Variants in SYT12 observed in about 807,000 individuals in gnomAD.
SYT12 encodes synaptotagmin 12.
In SYT12, 27 loss-of-function variants were observed where a neutral mutation model predicts 39.5. The observed-to-expected ratio is 0.68, with a 90% CI of 0.50 to 0.94. SYT12 has a LOEUF of 0.94. Among genes scored for constraint, SYT12 ranks in the 40% least tolerant of loss-of-function variants. The pLI is 0.00. For missense variants in SYT12, 536 were observed against 572.6 expected (o/e 0.94, Z 0.65); for synonymous variants, 233 against 239.7 (o/e 0.97, Z 0.26).
chr11:67,029,980 C>G, intron 1 of SYT12, 142 bp from the exon 2 acceptor site: 1 of 636,258 alleles, frequency 1.6e-6, no homozygotes, highest in Non-Finnish European at 2.7e-6. Flanking sequence ...TCTTAAAATG[C>G]CAAGCCTCCC....
At chr11:67,025,495 G>A (rs569221362) in intron 1 of SYT12, among the ~76,000 whole-genome samples, 133 of 152,282 alleles carry the variant, frequency 8.7e-4, no homozygotes, top group Non-Finnish European at 1.4e-3. Context: ...GCTCTTTGCT[G>A]TGTGTCTGGA....
chr11:67,039,718 G>T, intron 3 of SYT12, 93 bp from the exon 4 acceptor site: 1 of 1,438,194 alleles, frequency 7.0e-7, no homozygotes, highest in African/African-American at 1.4e-5. Flanking sequence ...GGAGATTCGA[G>T]AATGAACAGG....
chr11:67,024,988 G>C (rs1222550892), intron 1 of SYT12, among the ~76,000 whole-genome samples: 1 of 152,196 alleles, frequency 6.6e-6, no homozygotes, highest in African/African-American at 2.4e-5. Flanking sequence ...CCTCTGCCAT[G>C]GTCTGATTCC....
At chr11:67,034,964 G>A in intron 3 of SYT12, 126 bp downstream of exon 3, 1 of 648,818 alleles carries the variant, frequency 1.5e-6, no homozygotes, top group Non-Finnish European at 2.4e-6. Flanking sequence ...TCCTTTGAAA[G>A]GGGAGTAGAC....
chr11:67,023,246 G>C lies in SYT12; in HGVS notation c.-238G>C, dbSNP rs1484295134. On this transcript the variant is annotated 5_prime_UTR_variant, in exon 1 of 8. Transcript: ENST00000527043. ...GCGAGGGAGCGCGCGGCGGGCTCCT[G>C]GGAGCGTGCCCGGACTGCGGCGCAG... 1 of 150,820 alleles carries C rather than the reference G, an allele frequency of 6.6e-6. No homozygotes were observed. Among genetic ancestry groups the C allele is most frequent in the Non-Finnish European group, 1.5e-5 (1 of 67,644 alleles). The allele number at this position is 150,820 out of a possible 1,614,324, so 9.3% of individuals were successfully genotyped here. A position where few individuals can be genotyped will look rare whatever the true frequency, so the allele number is the denominator to read the frequency against.
intron 1 of SYT12, among the ~76,000 whole-genome samples, chr11:67,024,091 G>A (rs1156987111): frequency 6.6e-6 from 1 of 152,096 alleles, no homozygotes; most frequent in Non-Finnish European, 1.5e-5. Flanking sequence ...GTTGGGGGAG[G>A]GAGGTGGGGG....
At chr11:67,019,196 G>C (rs1403974678), upstream of SYT12, among the ~76,000 whole-genome samples, 1 of 152,106 alleles carries the variant, frequency 6.6e-6, no homozygotes, top group African/African-American at 2.4e-5. Context: ...CAGATCGCTG[G>C]GCGTGGTGAC....
Position 67,040,101 on chromosome 11 carries a change from G to C in SYT12, c.519G>C (p.Val173=), listed in dbSNP as rs774567750. Residue 173 remains valine, a synonymous_variant, in exon 4 of 8, where the codon GTG becomes GTC. Transcript: ENST00000527043. ...CCTCCCACACGCTGAACGTGGCGGT[G>C]ATGCAGGGCAAGGACCTCCTGGAGC... ...DTASHTLNVA[V]MQGKDLLERE... is the part of the protein sequence containing the mutation. 1.9e-5 allele frequency: 30 copies of C among 1,613,620 alleles called. No individual in the cohort carries two copies. The highest frequency in any genetic ancestry group is 3.3e-5 in the South Asian group (3 of 91,080).
At chr11:67,017,784 A>G (rs1378875869) in intron 3 of SYT12, among the ~76,000 whole-genome samples, 2 of 150,056 alleles carry the variant, frequency 1.3e-5, no homozygotes, top group Non-Finnish European at 3.0e-5. Flanking sequence ...ACATGGTGAA[A>G]CCCCGTCTCT....
At chr11:67,035,527 G>A (rs1260156397) in intron 3 of SYT12, among the ~76,000 whole-genome samples, 11 of 138,640 alleles carry the variant, frequency 7.9e-5, no homozygotes, top group African/African-American at 1.7e-4. Context: ...GGGCAATCTC[G>A]GCTCACTGCA....
chr11:67,042,164 T>C (rs981286270), intron 4 of SYT12, among the ~76,000 whole-genome samples: 1 of 152,080 alleles, frequency 6.6e-6, no homozygotes, highest in South Asian at 2.1e-4. Flanking sequence ...CTTGGTTAAG[T>C]CAGTTTAGTA....
intron 3 of SYT12, among the ~76,000 whole-genome samples, chr11:67,012,136 C>T (rs1404667809): frequency 1.3e-5 from 2 of 150,824 alleles, no homozygotes; most frequent in Admixed American, 6.6e-5. Context: ...TTTGGGAGGC[C>T]GAGGCGGGCG....
chr11:67,040,098 G>A lies in SYT12; in HGVS notation c.516G>A (p.Ala172=), dbSNP rs764374414. 5.0e-6 allele frequency: 8 copies of A among 1,613,612 alleles called. No homozygotes were observed. The highest frequency in any genetic ancestry group is 1.7e-5 in the Admixed American group (1 of 59,986). The change falls in exon 4 of 8, where the codon GCG becomes GCA. Residue 172 remains alanine, a synonymous_variant. Transcript: ENST00000527043. ...YDTASHTLNV[A]VMQGKDLLER... is the part of the protein sequence containing the mutation. ...CTGCCTCCCACACGCTGAACGTGGC[G>A]GTGATGCAGGGCAAGGACCTCCTGG...
Position 67,035,518 on chromosome 11 carries a change from G to A in SYT12, c.228+680G>A, listed in dbSNP as rs1346650115. ...TGTTGCCCAGGCTGGAGTGCAGTGG[G>A]GCAATCTCGGCTCACTGCAAGCTCC... On this transcript the variant is annotated intron_variant, in intron 3 of 7. Transcript: ENST00000527043. Among the ~76,000 whole-genome samples the A allele has an allele frequency of 4.1e-5, 6 of 144,652 alleles. No individual in the cohort carries two copies. The South Asian group carries it at 1.3e-3, about 32-fold the overall frequency. 94.9% of individuals were successfully genotyped at this position (144,652 alleles called of 152,430 possible).
chr11:67,023,937 G>A (rs1950146758), intron 1 of SYT12, among the ~76,000 whole-genome samples: 1 of 152,228 alleles, frequency 6.6e-6, no homozygotes, highest in Non-Finnish European at 1.5e-5. Context: ...GGCCCTGGCC[G>A]TGTGAAGAGC....
chr11:67,023,783 A>G (rs1391340612), intron 1 of SYT12, among the ~76,000 whole-genome samples: 1 of 151,948 alleles, frequency 6.6e-6, no homozygotes, highest in Non-Finnish European at 1.5e-5. Context: ...CAGCGCCCTG[A>G]CTGTCCTCAC....
At position 67,030,112 on chromosome 11, in the gene SYT12, T is replaced by C. The variant is rs549753151; in HGVS notation, c.-23-10T>C. 20 of 1,613,392 alleles carry C rather than the reference T, an allele frequency of 1.2e-5. 1 individual carries two copies. In the South Asian group the frequency reaches 1.6e-4, roughly 13 times the overall value. ...GCAGCCCTCTCCTCTCACTCTCTTT[T>C]CCCTTCCAGTCACAGTCACTGCAGC... On this transcript the variant is annotated splice_polypyrimidine_tract_variant and intron_variant, in intron 1 of 7. Transcript: ENST00000527043.
At chr11:67,036,205 C>T (rs1054359185) in intron 3 of SYT12, among the ~76,000 whole-genome samples, 2 of 152,134 alleles carry the variant, frequency 1.3e-5, no homozygotes, top group Non-Finnish European at 2.9e-5. Context: ...GCATGCACTA[C>T]CGTGCCAGGT....
At position 67,034,775 on chromosome 11, in the gene SYT12, C is replaced by T. The variant is rs768738859; in HGVS notation, c.165C>T (p.Pro55=). ...SGSFPSPSPF[P]NYDYRYLQQK... is the part of the protein sequence containing the mutation. ...GCTTCCCCAGCCCCTCTCCGTTCCC[C>T]AATTACGACTACAGGTACCTTCAGC... Residue 55 remains proline (P), a synonymous_variant, in exon 3 of 8, where the codon CCC becomes CCT. Transcript: ENST00000527043. 1.9e-5 allele frequency: 31 copies of T among 1,602,148 alleles called. 1 individual carries two copies. In the South Asian group the frequency reaches 3.4e-4, roughly 17 times the overall value.
Sources: allele counts gnomAD v4.1 joint callset (sites outside exome capture counted in the v4.1 genomes callset), GRCh38; gene constraint gnomAD v4.1.1; transcripts MANE v1.5; gene names NCBI Gene and HGNC (gene_info 2026-07-23, HGNC 2026-07-21).